The following KIAA1217 variants were observed in gnomAD, a reference collection of about 807,000 sequenced individuals.
KIAA1217 encodes sickle tail protein homolog.
A neutral mutation model predicts 163.9 loss-of-function variants in KIAA1217; 88 were observed. The ratio of observed to expected loss-of-function variants is 0.54; its 90% CI spans 0.45 to 0.64. The LOEUF (loss-of-function observed/expected upper bound fraction) is 0.64. Among genes scored for constraint, KIAA1217 ranks in the 30% least tolerant of loss-of-function variants. KIAA1217 has a pLI of 0.00. For missense variants in KIAA1217, 2,372 were observed against 2,475.0 expected, an observed-to-expected ratio of 0.96 and a Z score of 0.88; for synonymous variants, 903 against 923.1, an observed-to-expected ratio of 0.98 and a Z score of 0.39.
At chr10:23,934,523 GAAAT>G (rs1843393574) in intron 1 of KIAA1217, among the ~76,000 whole-genome samples, 1 of 109,158 alleles carries the variant, frequency 9.2e-6, no homozygotes, top group African/African-American at 3.1e-5. Context: ...TTTTTTAGAA[GAAAT>G]AAAGAAAAAT....
chr10:24,070,342 C>T (rs1196023263), intron 2 of KIAA1217, among the ~76,000 whole-genome samples: 1 of 150,518 alleles, frequency 6.6e-6, no homozygotes, highest in African/African-American at 2.5e-5. Flanking sequence ...AATTCCCAAA[C>T]AAAATACATT....
At chr10:23,894,172 T>C (rs1841564509) in intron 1 of KIAA1217, among the ~76,000 whole-genome samples, 1 of 149,154 alleles carries the variant, frequency 6.7e-6, no homozygotes, top group Non-Finnish European at 1.5e-5. Flanking sequence ...ATAAAGGGTA[T>C]TCAATTAGGA....
At chr10:24,313,397 T>C (rs896855369) in intron 2 of KIAA1217, among the ~76,000 whole-genome samples, 2 of 152,164 alleles carry the variant, frequency 1.3e-5, no homozygotes, top group Non-Finnish European at 2.9e-5. Context: ...AATGTTCTTA[T>C]TTCGAGTGAG....
intron 1 of KIAA1217, among the ~76,000 whole-genome samples, chr10:23,768,618 A>G (rs953113451): frequency 6.6e-6 from 1 of 152,240 alleles, no homozygotes; most frequent in Admixed American, 6.5e-5. Flanking sequence ...ATAAGTTGCC[A>G]TTTTAAAGAC....
At position 23,808,915 on chromosome 10, in the gene KIAA1217, C is replaced by T. The variant is rs192116568; in HGVS notation, c.-321+113681C>T. 7.4e-4 allele frequency among the ~76,000 whole-genome samples: 113 copies of T among 152,190 alleles called. 2 individuals are homozygous for T. The highest frequency in any genetic ancestry group is 3.5e-3 in the Admixed American group (53 of 15,274). ...AACAGCATAAAGAAAATTTTATCAG[C>T]TTCCAGAGAGGAAGGCAAATCCGTA... On this transcript the variant is annotated intron_variant, in intron 1 of 18. Coordinates refer to the KIAA1217 transcript ENST00000376462.
rs562553553 is a variant in KIAA1217, at chr10:24,408,743, A to C, written c.554-24252A>C. Among the ~76,000 whole-genome samples, 16 of 152,154 alleles carry C rather than the reference A, an allele frequency of 1.1e-4. No homozygotes were observed. In the East Asian group the frequency reaches 1.7e-3, roughly 17 times the overall value. On this transcript the variant is annotated intron_variant, in intron 3 of 20. Transcript: ENST00000376454. Reference sequence around the variant, plus strand: ...GCTTCTCCCTCATCAATCTTTATTCAAACACCATCTTATCTGAAGAAGGGC... The same window carrying C: ...GCTTCTCCCTCATCAATCTTTATTCCAACACCATCTTATCTGAAGAAGGGC...
chr10:23,731,491 A>C (rs1838472977), intron 1 of KIAA1217, among the ~76,000 whole-genome samples: 1 of 152,112 alleles, frequency 6.6e-6, no homozygotes, highest in African/African-American at 2.4e-5. Flanking sequence ...TATCCGGTGA[A>C]AAAGGAAGTA....
Position 24,501,495 on chromosome 10 carries a change from C to T in KIAA1217, c.1951C>T (p.Arg651Trp), listed in dbSNP as rs368036126. ...CCACATGAGCCTGCTTGAGATGAGG[C>T]GGAGCGTGGCGGAACTCAGGCTCCA... ...AIHMSLLEMRRSVAELRLQLQ... is the reference protein window; with the variant it reads ...AIHMSLLEMRWSVAELRLQLQ... Residue 651 changes from arginine to tryptophan, a missense_variant, in exon 9 of 21, where the codon CGG (arginine) becomes TGG (tryptophan). Physicochemically the swap from Arg to Trp is moderately radical, Grantham distance 101. Around this residue, in one of 3 missense-constraint regions of KIAA1217, gnomAD observed 1,431 missense variants for 1,470.3 expected, o/e 0.97. Transcript: ENST00000376454. 81 of 1,613,732 alleles carry T rather than the reference C, an allele frequency of 5.0e-5. No homozygotes were observed. Among genetic ancestry groups the T allele is most frequent in the Admixed American group, 1.2e-4 (7 of 59,974 alleles).
At chr10:24,007,662 G>T (rs1255136036) in intron 2 of KIAA1217, among the ~76,000 whole-genome samples, 1 of 152,012 alleles carries the variant, frequency 6.6e-6, no homozygotes, top group African/African-American at 2.4e-5. Context: ...GCCTGTCTTT[G>T]TGTTCAGACT....
intron 2 of KIAA1217, among the ~76,000 whole-genome samples, chr10:24,280,809 C>CAAA (rs71281596): frequency 7.5e-5 from 8 of 106,236 alleles, no homozygotes; most frequent in South Asian, 7.1e-4. Context: ...GACTCCGTCT[C>CAAA]AAAAAAAAAA....
At chr10:24,230,509 T>G (rs992690257) in intron 2 of KIAA1217, among the ~76,000 whole-genome samples, 1 of 138,562 alleles carries the variant, frequency 7.2e-6, no homozygotes, top group Non-Finnish European at 1.6e-5. Context: ...TTTGTTTTTT[T>G]TTTTTTTTTT....
chr10:24,501,246 A>T, intron 8 of KIAA1217, 133 bp from the exon 9 acceptor site: 1 of 707,190 alleles, frequency 1.4e-6, no homozygotes, highest in South Asian at 2.0e-5. Context: ...TGTGTGATTC[A>T]TATATATGCA....
chr10:24,244,805 T>TC (rs111668446), intron 2 of KIAA1217, among the ~76,000 whole-genome samples: 1 of 151,956 alleles, frequency 6.6e-6, no homozygotes, highest in African/African-American at 2.4e-5. Context: ...CCTCAAGTGA[T>TC]CCGCCTGCCT....
intron 1 of KIAA1217, among the ~76,000 whole-genome samples, chr10:23,927,832 A>G (rs1843090412): frequency 6.6e-6 from 1 of 152,178 alleles, no homozygotes; most frequent in African/African-American, 2.4e-5. Context: ...TACTTCTGAA[A>G]CTAGTGCGCG....
intron 1 of KIAA1217, among the ~76,000 whole-genome samples, chr10:23,716,007 A>C (rs928779514): frequency 1.3e-5 from 2 of 152,178 alleles, no homozygotes; most frequent in Non-Finnish European, 2.9e-5. Context: ...TTGAGGCACA[A>C]ATGATACAAA....
At chr10:24,237,432 G>T (rs900457548) in intron 2 of KIAA1217, among the ~76,000 whole-genome samples, 2 of 152,174 alleles carry the variant, frequency 1.3e-5, no homozygotes, top group African/African-American at 4.8e-5. Flanking sequence ...ATTCTTTCTG[G>T]ACTCTCTCCA....
At chr10:23,826,154 T>C (rs1012351434) in intron 1 of KIAA1217, among the ~76,000 whole-genome samples, 16 of 152,298 alleles carry the variant, frequency 1.1e-4, no homozygotes, top group African/African-American at 3.8e-4. Context: ...ACTAGTTATG[T>C]TTGAATTTTT....
chr10:23,848,178 T>C (rs971611868), intron 1 of KIAA1217, among the ~76,000 whole-genome samples: 14 of 152,116 alleles, frequency 9.2e-5, no homozygotes, highest in African/African-American at 3.1e-4. Flanking sequence ...CTGAGAAGAA[T>C]GTATATTCTG....
chr10:24,466,143 G>A (rs776893969), intron 5 of KIAA1217, among the ~76,000 whole-genome samples: 1 of 152,114 alleles, frequency 6.6e-6, no homozygotes. Context: ...GACTTCAAAA[G>A]TCTGGCAGCA....
Sources: allele counts gnomAD v4.1 joint callset (sites outside exome capture counted in the v4.1 genomes callset), GRCh38; gene constraint gnomAD v4.1.1; regional missense constraint gnomAD v4.1.1; transcripts MANE v1.5; gene names NCBI Gene and HGNC (gene_info 2026-07-23, HGNC 2026-07-21).